SLC9C1: variants seen among roughly 807,000 people sequenced by gnomAD.
The protein encoded by SLC9C1 is solute carrier family 9 member C1.
A neutral mutation model predicts 140.9 loss-of-function variants in SLC9C1; 97 were observed. The ratio of observed to expected loss-of-function variants is 0.69; its 90% CI spans 0.58 to 0.82. SLC9C1 has a LOEUF of 0.82. Among genes scored for constraint, SLC9C1 ranks in the 40% least tolerant of loss-of-function variants. SLC9C1 has a pLI of 0.00. For synonymous variants in SLC9C1, 440 were observed against 442.6 expected, an observed-to-expected ratio of 0.99 and a Z score of 0.07; for missense variants, 1,340 against 1,389.3, an observed-to-expected ratio of 0.96 and a Z score of 0.56.
intron 14 of SLC9C1, among the ~76,000 whole-genome samples, chr3:112,219,764 A>G (rs1017567288): frequency 6.6e-5 from 10 of 152,040 alleles, no homozygotes; most frequent in African/African-American, 2.2e-4. Context: ...TATTTTTAGT[A>G]GAGACAGGGT....
intron 27 of SLC9C1, among the ~76,000 whole-genome samples, chr3:112,153,455 C>G (rs1272321597): frequency 1.3e-5 from 2 of 151,832 alleles, no homozygotes; most frequent in Non-Finnish European, 2.9e-5. Context: ...ATTGTTATTT[C>G]CCTTTGTTAT....
intron 6 of SLC9C1, among the ~76,000 whole-genome samples, chr3:112,271,710 A>G (rs1451231672): frequency 6.6e-6 from 1 of 152,112 alleles, no homozygotes; most frequent in African/African-American, 2.4e-5. Context: ...AAACTCATGG[A>G]AGTGATACTC....
At chr3:112,189,955 T>C (rs2077618897) in intron 20 of SLC9C1, among the ~76,000 whole-genome samples, 1 of 152,204 alleles carries the variant, frequency 6.6e-6, no homozygotes, top group African/African-American at 2.4e-5. Context: ...TCACATCCCT[T>C]GTAAGTTGGA....
At chr3:112,181,656 G>A (rs931479723) in intron 21 of SLC9C1, among the ~76,000 whole-genome samples, 3 of 152,150 alleles carry the variant, frequency 2.0e-5, no homozygotes, top group African/African-American at 4.8e-5. Context: ...TACAATGGCA[G>A]CAATATTGGT....
chr3:112,150,065 C>G (rs1383994737), intron 28 of SLC9C1, among the ~76,000 whole-genome samples: 1 of 152,192 alleles, frequency 6.6e-6, no homozygotes, highest in Non-Finnish European at 1.5e-5. Context: ...CTACCCCAGA[C>G]TTGCAATGGG....
chr3:112,157,120 C>A (rs1672783073), intron 26 of SLC9C1, among the ~76,000 whole-genome samples: 1 of 151,846 alleles, frequency 6.6e-6, no homozygotes, highest in Admixed American at 6.6e-5. Flanking sequence ...AGCATTTTCC[C>A]AACTTTTTTT....
intron 14 of SLC9C1, 58 bp from the exon 15 acceptor site, chr3:112,217,619 T>G (rs1203683661): frequency 1.4e-6 from 2 of 1,462,426 alleles, no homozygotes; most frequent in Non-Finnish European, 1.8e-6. Flanking sequence ...AAGTTTAATG[T>G]TGTACTGGAA....
chr3:112,275,938 C>T (rs1162998374), intron 5 of SLC9C1, among the ~76,000 whole-genome samples: 17 of 152,004 alleles, frequency 1.1e-4, no homozygotes, highest in Non-Finnish European at 1.5e-5. Flanking sequence ...CTCCCTGACT[C>T]CTGCCACCGC....
intron 6 of SLC9C1, among the ~76,000 whole-genome samples, chr3:112,271,665 T>C (rs550149471): frequency 6.6e-6 from 1 of 152,050 alleles, no homozygotes. Context: ...GTAATAGATT[T>C]TAGAGATATA....
intron 15 of SLC9C1, among the ~76,000 whole-genome samples, chr3:112,215,788 A>G (rs1397596208): frequency 6.6e-6 from 1 of 152,208 alleles, no homozygotes; most frequent in African/African-American, 2.4e-5. Context: ...GCCCAAGGTA[A>G]TTTATAGATT....
chr3:112,238,610 G>C (rs937516537), intron 12 of SLC9C1, among the ~76,000 whole-genome samples: 3 of 152,198 alleles, frequency 2.0e-5, no homozygotes, highest in Non-Finnish European at 4.4e-5. Context: ...GGTCTTTGAT[G>C]ATGGTGATGT....
At chr3:112,161,483 A>C (rs905409936) in intron 26 of SLC9C1, among the ~76,000 whole-genome samples, 13 of 152,260 alleles carry the variant, frequency 8.5e-5, no homozygotes, top group African/African-American at 2.2e-4. Flanking sequence ...TCAGCTTTCT[A>C]CATATGGCTA....
At chr3:112,267,997 G>A (rs538257028) in intron 7 of SLC9C1, among the ~76,000 whole-genome samples, 25 of 152,144 alleles carry the variant, frequency 1.6e-4, no homozygotes, top group Non-Finnish European at 2.6e-4. Flanking sequence ...TCTGTATCTT[G>A]TTTTAATGAA....
intron 11 of SLC9C1, 61 bp from the exon 12 acceptor site, chr3:112,240,067 A>C: frequency 4.1e-6 from 6 of 1,462,400 alleles, no homozygotes; most frequent in Non-Finnish European, 4.6e-6. Flanking sequence ...TATGGGTTAG[A>C]AAGCTTACTT....
chr3:112,278,279 C>T (rs1245412212), intron 4 of SLC9C1, among the ~76,000 whole-genome samples: 1 of 152,178 alleles, frequency 6.6e-6, no homozygotes, highest in African/African-American at 2.4e-5. Flanking sequence ...GTTCAAATCT[C>T]ACATATTAAA....
chr3:112,230,003 G>T (rs1429154858), intron 13 of SLC9C1, among the ~76,000 whole-genome samples: 3 of 152,082 alleles, frequency 2.0e-5, no homozygotes, highest in African/African-American at 7.2e-5. Flanking sequence ...ATTTTTGACA[G>T]TTACAGACAA....
chr3:112,160,193 A>G (rs2107881750), intron 26 of SLC9C1, among the ~76,000 whole-genome samples: 1 of 149,018 alleles, frequency 6.7e-6, no homozygotes, highest in Non-Finnish European at 1.5e-5. Flanking sequence ...TTTTTCTGGT[A>G]GTACGTTTTA....
intron 10 of SLC9C1, among the ~76,000 whole-genome samples, chr3:112,256,863 T>C (rs1400989199): frequency 6.6e-6 from 1 of 152,078 alleles, no homozygotes; most frequent in Non-Finnish European, 1.5e-5. Flanking sequence ...TTCAGCAAAA[T>C]TTCAGGATAC....
chr3:112,192,974 G>GC (rs761253349), intron 20 of SLC9C1, among the ~76,000 whole-genome samples: 3 of 152,100 alleles, frequency 2.0e-5, no homozygotes, highest in Admixed American at 6.5e-5. Flanking sequence ...TATGAAGTAG[G>GC]TTTCATAGGG....
Sources: allele counts gnomAD v4.1 joint callset (sites outside exome capture counted in the v4.1 genomes callset), GRCh38; gene constraint gnomAD v4.1.1; transcripts MANE v1.5; gene names NCBI Gene and HGNC (gene_info 2026-07-23, HGNC 2026-07-21).